The following CCSER1 variants were observed in gnomAD, a reference collection of about 807,000 sequenced individuals.
CCSER1 encodes serine-rich coiled-coil domain-containing protein 1.
CCSER1 carries 41 observed loss-of-function variants against 82.0 expected under a neutral mutation model. The ratio of observed to expected loss-of-function variants is 0.50; its 90% CI spans 0.39 to 0.65. CCSER1 has a LOEUF of 0.65. Among genes scored for constraint, CCSER1 ranks in the 30% least tolerant of loss-of-function variants. CCSER1 has a pLI of 0.00. For missense variants in CCSER1, 1,119 were observed against 1,064.2 expected, an observed-to-expected ratio of 1.05 and a Z score of -0.72; for synonymous variants, 414 against 383.9, an observed-to-expected ratio of 1.08 and a Z score of -0.92.
chr4:90,711,333 G>T (rs1740574457), intron 6 of CCSER1, among the ~76,000 whole-genome samples: 1 of 152,028 alleles, frequency 6.6e-6, no homozygotes. Flanking sequence ...TCTTTCTCTT[G>T]CCTGATTGTC....
chr4:91,562,635 G>T (rs2110257870), intron 10 of CCSER1, among the ~76,000 whole-genome samples: 1 of 151,606 alleles, frequency 6.6e-6, no homozygotes, highest in East Asian at 1.9e-4. Context: ...TGGCCAAAAA[G>T]AAATTGAATG....
At chr4:90,940,682 C>T (rs898245823) in intron 9 of CCSER1, among the ~76,000 whole-genome samples, 1 of 152,076 alleles carries the variant, frequency 6.6e-6, no homozygotes, top group African/African-American at 2.4e-5. Flanking sequence ...ATCAAAGGAA[C>T]ATTATTTTCT....
chr4:90,908,023 AGT>A (rs1725760154), intron 8 of CCSER1, among the ~76,000 whole-genome samples: 1 of 152,140 alleles, frequency 6.6e-6, no homozygotes, highest in South Asian at 2.1e-4. Flanking sequence ...GAGTATCTAG[AGT>A]GTGCCTAAAA....
intron 5 of CCSER1, among the ~76,000 whole-genome samples, chr4:90,622,930 T>C (rs929827442): frequency 1.3e-5 from 2 of 152,138 alleles, no homozygotes; most frequent in Non-Finnish European, 2.9e-5. Flanking sequence ...CAGCACCTGT[T>C]GTTTCCTGAC....
At chr4:90,341,354 CA>C (rs1174706773) in intron 3 of CCSER1, among the ~76,000 whole-genome samples, 1 of 152,058 alleles carries the variant, frequency 6.6e-6, no homozygotes, top group East Asian at 1.9e-4. Context: ...ATTAACTTGA[CA>C]ATGTTTAGAT....
intron 10 of CCSER1, among the ~76,000 whole-genome samples, chr4:91,417,108 C>T (rs1234352332): frequency 5.3e-5 from 8 of 151,960 alleles, no homozygotes; most frequent in Non-Finnish European, 8.8e-5. Context: ...TGAAAAAAAG[C>T]CTCAACATCA....
At chr4:90,768,069 A>G (rs1328594853) in intron 7 of CCSER1, among the ~76,000 whole-genome samples, 2 of 152,184 alleles carry the variant, frequency 1.3e-5, no homozygotes, top group Non-Finnish European at 2.9e-5. Flanking sequence ...CTCCACATGA[A>G]TAGAATATGG....
At chr4:90,963,099 T>G (rs1195416245) in intron 9 of CCSER1, among the ~76,000 whole-genome samples, 1 of 152,186 alleles carries the variant, frequency 6.6e-6, no homozygotes, top group East Asian at 1.9e-4. Flanking sequence ...TAGAATAGTA[T>G]TTTAACAAAA....
At chr4:90,353,314 C>G (rs1743842167) in intron 3 of CCSER1, among the ~76,000 whole-genome samples, 1 of 152,072 alleles carries the variant, frequency 6.6e-6, no homozygotes, top group Non-Finnish European at 1.5e-5. Context: ...TATGGGACCA[C>G]AGAGAACACT....
At chr4:91,310,052 C>CTCCT (rs1745357879) in intron 10 of CCSER1, among the ~76,000 whole-genome samples, 1 of 151,926 alleles carries the variant, frequency 6.6e-6, no homozygotes, top group Non-Finnish European at 1.5e-5. Flanking sequence ...TCCTCACAAT[C>CTCCT]TCCTTATGTG....
intron 9 of CCSER1, among the ~76,000 whole-genome samples, chr4:90,964,735 A>AAG (rs1223279710): frequency 3.4e-5 from 5 of 148,160 alleles, no homozygotes; most frequent in Admixed American, 6.9e-5. Context: ...TGTCTCCAAA[A>AAG]AAAAAAAAAA....
intron 9 of CCSER1, 109 bp from the exon 10 acceptor site, chr4:91,085,841 T>C: frequency 1.4e-6 from 1 of 694,670 alleles, no homozygotes; most frequent in Non-Finnish European, 2.5e-6. Context: ...AGATCTTCTT[T>C]GTTACGAATA....
chr4:90,281,899 C>T (rs773441118), intron 1 of CCSER1, among the ~76,000 whole-genome samples: 12 of 152,032 alleles, frequency 7.9e-5, no homozygotes, highest in Admixed American at 2.6e-4. Flanking sequence ...ACTTGAGTCA[C>T]CATGGGAATA....
chr4:90,240,334 G>C (rs1204295061), intron 1 of CCSER1, among the ~76,000 whole-genome samples: 1 of 152,164 alleles, frequency 6.6e-6, no homozygotes, highest in Non-Finnish European at 1.5e-5. Context: ...TTCTGACTCT[G>C]ATGGGCATTT....
intron 1 of CCSER1, among the ~76,000 whole-genome samples, chr4:90,220,775 T>C (rs1263411076): frequency 1.3e-5 from 2 of 152,234 alleles, no homozygotes; most frequent in Non-Finnish European, 2.9e-5. Flanking sequence ...ATTTCAGATA[T>C]GTGTATTGTT....
intron 1 of CCSER1, among the ~76,000 whole-genome samples, chr4:90,223,538 T>C (rs1742570955): frequency 6.6e-6 from 1 of 152,200 alleles, no homozygotes; most frequent in African/African-American, 2.4e-5. Context: ...ACATTGATCA[T>C]TGGAGTGTAA....
At chr4:90,778,913 C>T (rs1753348333) in intron 7 of CCSER1, among the ~76,000 whole-genome samples, 1 of 152,148 alleles carries the variant, frequency 6.6e-6, no homozygotes, top group Admixed American at 6.5e-5. Context: ...TCCCAGAGTA[C>T]TAAGGAGCAA....
intron 10 of CCSER1, among the ~76,000 whole-genome samples, chr4:91,427,597 C>T (rs1754060692): frequency 6.6e-6 from 1 of 152,138 alleles, no homozygotes; most frequent in African/African-American, 2.4e-5. Context: ...TACCAATTTA[C>T]TGAATCTCTA....
At chr4:90,655,469 A>G (rs1729537791) in intron 6 of CCSER1, among the ~76,000 whole-genome samples, 1 of 152,014 alleles carries the variant, frequency 6.6e-6, no homozygotes, top group South Asian at 2.1e-4. Flanking sequence ...AGATTGAAAC[A>G]AAACACTATT....
Sources: gnomAD v4.1 joint callset for allele counts (sites outside exome capture counted in the v4.1 genomes callset) on GRCh38, gnomAD v4.1.1 for gene constraint, MANE v1.5 for transcripts, NCBI Gene and HGNC (gene_info 2026-07-23, HGNC 2026-07-21) for gene names.